RPS6KC1: variants seen among roughly 807,000 people sequenced by gnomAD.
RPS6KC1 encodes inactive ribosomal protein S6 kinase delta-1.
A neutral mutation model predicts 103.8 loss-of-function variants in RPS6KC1; 54 were observed. That is an observed-to-expected ratio of 0.52 (90% CI 0.42 to 0.65). The LOEUF (loss-of-function observed/expected upper bound fraction) is 0.65. RPS6KC1 is among the 30% of genes least tolerant of loss of function. RPS6KC1 has a pLI of 0.00. For missense variants in RPS6KC1, 1,151 were observed against 1,253.8 expected, an observed-to-expected ratio of 0.92 and a Z score of 1.24; for synonymous variants, 439 against 438.7, an observed-to-expected ratio of 1.00 and a Z score of -0.01.
the RPS6KC1 span, among the ~76,000 whole-genome samples, chr1:213,429,460 G>A: frequency 6.6e-6 from 1 of 152,158 alleles, no homozygotes; most frequent in Non-Finnish European, 1.5e-5. Flanking sequence ...CATTTCTGGA[G>A]TGGGGACATG....
At chr1:213,422,678 G>T in the RPS6KC1 span, among the ~76,000 whole-genome samples, 1 of 152,206 alleles carries the variant, frequency 6.6e-6, no homozygotes, top group Non-Finnish European at 1.5e-5. Flanking sequence ...GGAACTAGGC[G>T]AGGAGAAAGG....
At chr1:213,386,268 A>G in the RPS6KC1 span, among the ~76,000 whole-genome samples, 2 of 152,204 alleles carry the variant, frequency 1.3e-5, no homozygotes, top group Admixed American at 1.3e-4. Context: ...GCTTCCCACC[A>G]GATGCCCAGT....
At chr1:213,343,641 C>T in the RPS6KC1 span, among the ~76,000 whole-genome samples, 1 of 148,934 alleles carries the variant, frequency 6.7e-6, no homozygotes, top group Admixed American at 6.7e-5. Flanking sequence ...TCTGGGCACT[C>T]GGGGAAAGGG....
At chr1:213,063,937 T>C (rs568342241) in intron 1 of RPS6KC1, among the ~76,000 whole-genome samples, 67 of 152,344 alleles carry the variant, frequency 4.4e-4, no homozygotes, top group Non-Finnish European at 8.5e-4. Context: ...GGTAATACTT[T>C]TTAAGATGAG....
At chr1:213,051,965 G>C (rs1314880585) in intron 1 of RPS6KC1, among the ~76,000 whole-genome samples, 4 of 152,210 alleles carry the variant, frequency 2.6e-5, no homozygotes, top group African/African-American at 9.6e-5. Flanking sequence ...TCTTGGGACA[G>C]ATGTCAGTGT....
Position 213,271,695 on chromosome 1 carries a change from C to T in RPS6KC1, c.3091-829C>T, listed in dbSNP as rs536457909. Among the ~76,000 whole-genome samples the T allele has an allele frequency of 4.4e-3, 611 of 137,800 alleles. 7 individuals carry two copies. Among genetic ancestry groups the T allele is most frequent in the South Asian group, 0.038 (165 of 4,290 alleles). 90.4% of individuals were successfully genotyped at this position (137,800 alleles called of 152,430 possible). On this transcript the variant is annotated intron_variant, in intron 14 of 14. Coordinates refer to ENST00000366960, the MANE Select transcript of RPS6KC1 (RefSeq NM_012424.6). ...AGGAGAATGACGTGAACCCGGGAGG[C>T]GGAGCTTGCAGTGAGTCGAGATCGC... is the stretch of plus-strand genomic sequence containing the variant.
At chr1:213,536,785 T>TA in the RPS6KC1 span, among the ~76,000 whole-genome samples, 1 of 152,178 alleles carries the variant, frequency 6.6e-6, no homozygotes, top group Non-Finnish European at 1.5e-5. Flanking sequence ...AAACCCCTGT[T>TA]AACCTCAATA....
intron 8 of RPS6KC1, among the ~76,000 whole-genome samples, chr1:213,212,275 T>G (rs1573319381): frequency 6.6e-6 from 1 of 152,314 alleles, no homozygotes; most frequent in East Asian, 1.9e-4. Flanking sequence ...TCTTTTTTTT[T>G]TCTATCTCCA....
chr1:213,465,481 A>G, the RPS6KC1 span, among the ~76,000 whole-genome samples: 2 of 152,140 alleles, frequency 1.3e-5, no homozygotes, highest in South Asian at 2.1e-4. Context: ...TTCCTCGCCA[A>G]TCAGCTGTGT....
the RPS6KC1 span, among the ~76,000 whole-genome samples, chr1:213,384,555 G>A: frequency 7.2e-5 from 11 of 152,076 alleles, no homozygotes; most frequent in Admixed American, 7.2e-4. Context: ...GTGAACTGAA[G>A]CCACCACGGG....
At chr1:213,688,188 A>G in the RPS6KC1 span, among the ~76,000 whole-genome samples, 2 of 152,120 alleles carry the variant, frequency 1.3e-5, no homozygotes, top group Non-Finnish European at 2.9e-5. Flanking sequence ...CCTTGGTTAG[A>G]AAGGAAGTAG....
At chr1:213,716,785 ATT>A in the RPS6KC1 span, among the ~76,000 whole-genome samples, 2 of 152,150 alleles carry the variant, frequency 1.3e-5, no homozygotes, top group Non-Finnish European at 1.5e-5. Flanking sequence ...TTTGGATAAA[ATT>A]TTACACTGGG....
the RPS6KC1 span, among the ~76,000 whole-genome samples, chr1:213,525,068 G>C: frequency 6.6e-6 from 1 of 152,196 alleles, no homozygotes; most frequent in Non-Finnish European, 1.5e-5. Flanking sequence ...TAAATGTGAT[G>C]ATAATAAGGA....
At chr1:213,775,465 T>G in the RPS6KC1 span, among the ~76,000 whole-genome samples, 5 of 152,166 alleles carry the variant, frequency 3.3e-5, no homozygotes, top group East Asian at 9.6e-4. Context: ...AGCCACACAA[T>G]TTTTTGGTTT....
At chr1:213,574,327 T>C in the RPS6KC1 span, among the ~76,000 whole-genome samples, 1 of 151,914 alleles carries the variant, frequency 6.6e-6, no homozygotes, top group Admixed American at 6.6e-5. Flanking sequence ...AGCTTACCAA[T>C]TCTAAGAATA....
the RPS6KC1 span, among the ~76,000 whole-genome samples, chr1:213,617,059 G>A: frequency 1.3e-4 from 20 of 152,286 alleles, no homozygotes; most frequent in Admixed American, 7.2e-4. Context: ...GGTCTGACAC[G>A]TTCTTAGGAT....
the RPS6KC1 span, among the ~76,000 whole-genome samples, chr1:213,615,894 A>T: frequency 6.6e-6 from 1 of 152,226 alleles, no homozygotes; most frequent in Non-Finnish European, 1.5e-5. Context: ...GGGGGAAAGC[A>T]TGCCACCTTA....
the RPS6KC1 span, among the ~76,000 whole-genome samples, chr1:213,664,569 T>C: frequency 6.6e-6 from 1 of 152,180 alleles, no homozygotes; most frequent in African/African-American, 2.4e-5. Context: ...AGAAATCTGA[T>C]TGGCCCAACT....
chr1:213,591,900 CAGTT>C, the RPS6KC1 span, among the ~76,000 whole-genome samples: 10 of 152,166 alleles, frequency 6.6e-5, no homozygotes, highest in African/African-American at 1.9e-4. Context: ...CTGTGTCAAT[CAGTT>C]AGTCACATCT....
Sources: gnomAD v4.1 joint callset for allele counts (sites outside exome capture counted in the v4.1 genomes callset) on GRCh38, gnomAD v4.1.1 for gene constraint, MANE v1.5 for transcripts, NCBI Gene and HGNC (gene_info 2026-07-23, HGNC 2026-07-21) for gene names.